Variants in RPN1 observed in about 807,000 individuals in gnomAD.
RPN1 encodes the protein dolichyl-diphosphooligosaccharide--protein glycosyltransferase subunit 1.
Under a neutral mutation model 55.5 loss-of-function variants are expected in RPN1, and 12 were observed. That is an observed-to-expected ratio of 0.22 (90% CI 0.14 to 0.35). The LOEUF (loss-of-function observed/expected upper bound fraction) is 0.35, where lower values mean the gene tolerates loss of function less well. Among genes scored for constraint, RPN1 ranks in the 10% least tolerant of loss-of-function variants. RPN1 has a pLI of 1.00. For synonymous variants in RPN1, 317 were observed against 305.9 expected (o/e 1.04, Z -0.38); for missense variants, 679 against 761.3 (o/e 0.89, Z 1.27).
At chr3:128,640,098 G>A (rs1482932510) in intron 2 of RPN1, among the ~76,000 whole-genome samples, 1 of 152,036 alleles carries the variant, frequency 6.6e-6, no homozygotes, top group Non-Finnish European at 1.5e-5. Flanking sequence ...CTTGAACCTG[G>A]GAGGCGGAGG....
chr3:128,644,561 G>A (rs1203911001), intron 2 of RPN1: 4 of 464,164 alleles, frequency 8.6e-6, no homozygotes, highest in Admixed American at 2.6e-5. Context: ...TTGGGAGGCT[G>A]AGGGAGAAGG....
intron 3 of RPN1, among the ~76,000 whole-genome samples, chr3:128,637,518 C>T (rs936884794): frequency 2.6e-5 from 4 of 152,130 alleles, no homozygotes; most frequent in African/African-American, 7.2e-5. Context: ...CATCTCAAAG[C>T]CTTTGTCCCT....
chr3:128,650,496 G>A (rs1361219176), intron 1 of RPN1, 44 bp downstream of exon 1: 1 of 1,496,604 alleles, frequency 6.7e-7, no homozygotes, highest in South Asian at 1.3e-5. Context: ...GAAGGGAGGC[G>A]GGAAGGGTCC....
chr3:128,627,060 T>C (rs1340392925), intron 5 of RPN1: 2 of 525,720 alleles, frequency 3.8e-6, no homozygotes, highest in African/African-American at 1.9e-5. Flanking sequence ...CTTCACGTTA[T>C]CAGTGTCTGT....
chr3:128,636,574 CAGAG>C (rs1322964311), intron 3 of RPN1, among the ~76,000 whole-genome samples: 1 of 151,878 alleles, frequency 6.6e-6, no homozygotes, highest in Non-Finnish European at 1.5e-5. Context: ...TCTAAACACA[CAGAG>C]AGATGCAAAG....
chr3:128,627,155 G>A (rs2069605254), intron 5 of RPN1: 3 of 334,928 alleles, frequency 9.0e-6, no homozygotes, highest in Non-Finnish European at 1.7e-5. Context: ...GGATTCCCTA[G>A]AGAGCACAGC....
At position 128,646,019 on chromosome 3, in the gene RPN1, C is replaced by T. The variant is rs182869787; in HGVS notation, c.262-1036G>A. On this transcript the variant is annotated intron_variant, in intron 1 of 9. Coordinates refer to ENST00000296255, the MANE Select transcript of RPN1 (RefSeq NM_002950.4). ...CAGCACTTTGGGAGGCCAAGGTGGG[C>T]GGATCACGAGGTCAGGAGTTCAAGA... Among the ~76,000 whole-genome samples, 704 of 151,008 alleles carry T rather than the reference C, an allele frequency of 4.7e-3. 1 individual carries two copies. Among genetic ancestry groups the T allele is most frequent in the African/African-American group, 0.016 (642 of 41,124 alleles).
At chr3:128,625,776 T>G (rs766144299) in intron 7 of RPN1, 98 bp downstream of exon 7, 156 of 1,563,498 alleles carry the variant, frequency 1.0e-4, no homozygotes, top group Non-Finnish European at 1.3e-4. Flanking sequence ...TGAGCTCAAA[T>G]GACTCCAGCC....
chr3:128,645,178 A>G (rs771994162), intron 1 of RPN1, among the ~76,000 whole-genome samples, 195 bp from the exon 2 acceptor site: 16 of 152,160 alleles, frequency 1.1e-4, no homozygotes, highest in Non-Finnish European at 1.8e-4. Flanking sequence ...TTACTTTTAC[A>G]AAGTGGCATA....
intron 3 of RPN1, among the ~76,000 whole-genome samples, chr3:128,635,832 G>A (rs907141082): frequency 1.3e-5 from 2 of 149,328 alleles, no homozygotes; most frequent in South Asian, 4.2e-4. Flanking sequence ...ATATATATAT[G>A]CACCTGGCCT....
At chr3:128,627,880 A>T in intron 5 of RPN1, among the ~76,000 whole-genome samples, 1 of 152,298 alleles carries the variant, frequency 6.6e-6, no homozygotes, top group Non-Finnish European at 1.5e-5. Context: ...AAAACGAACC[A>T]GGAGACTGCT....
At chr3:128,631,850 A>C in intron 4 of RPN1, 98 bp downstream of exon 4, 1 of 1,333,324 alleles carries the variant, frequency 7.5e-7, no homozygotes, top group Non-Finnish European at 1.1e-6. Flanking sequence ...TCAACCCTAA[A>C]CAACTGCCTA....
At chr3:128,635,928 A>G (rs75826648) in intron 3 of RPN1, among the ~76,000 whole-genome samples, 6 of 151,826 alleles carry the variant, frequency 4.0e-5, no homozygotes, top group South Asian at 4.2e-4. Flanking sequence ...AACTTGTTAT[A>G]TATGATTTTG....
intron 3 of RPN1, among the ~76,000 whole-genome samples, chr3:128,636,545 C>A (rs1341919096): frequency 2.6e-5 from 4 of 151,674 alleles, no homozygotes; most frequent in Non-Finnish European, 5.9e-5. Flanking sequence ...TTTGATTGCA[C>A]ATCCTTGGTG....
intron 4 of RPN1, among the ~76,000 whole-genome samples, chr3:128,631,471 T>C: frequency 1.5e-5 from 2 of 129,086 alleles, no homozygotes; most frequent in Non-Finnish European, 3.2e-5. Flanking sequence ...AGAGCAAAAC[T>C]CCGTCTCAAG....
At chr3:128,628,955 G>A (rs1288329059) in intron 5 of RPN1, among the ~76,000 whole-genome samples, 1 of 152,090 alleles carries the variant, frequency 6.6e-6, no homozygotes, top group African/African-American at 2.4e-5. Context: ...AAAAACAGAT[G>A]TAGGTATTAA....
Position 128,625,621 on chromosome 3 carries a change from C to A in RPN1, c.1308G>T (p.Leu436=), listed in dbSNP as rs542570470. The part of the protein sequence containing the change: ...VHYTFNKVLM[L]QEPLLVVAAF... ...CCGCCACCACCAGCAGGGGCTCCTG[C>A]AGCATGAGCACCTTGTTGAACGTGT... is the stretch of plus-strand genomic sequence containing the variant. The change falls in exon 8 of 10, where the codon CTG becomes CTT. Residue 436 remains leucine, a synonymous_variant. Coordinates refer to ENST00000296255, the MANE Select transcript of RPN1 (RefSeq NM_002950.4). 7.4e-6 allele frequency: 12 copies of A among 1,614,100 alleles called. 1 individual carries two copies. In the South Asian group the frequency reaches 1.1e-4, roughly 15 times the overall value.
At chr3:128,634,665 T>G (rs1203988160) in intron 3 of RPN1, among the ~76,000 whole-genome samples, 4 of 151,346 alleles carry the variant, frequency 2.6e-5, no homozygotes, top group Admixed American at 1.3e-4. Context: ...CAGGTTCAAG[T>G]GATTCTCCTG....
intron 2 of RPN1, among the ~76,000 whole-genome samples, chr3:128,640,718 C>T (rs1198296714): frequency 6.6e-6 from 1 of 152,140 alleles, no homozygotes; most frequent in Non-Finnish European, 1.5e-5. Flanking sequence ...TCTGCCCTGT[C>T]CCCAATACCT....
Sources: allele counts gnomAD v4.1 joint callset (sites outside exome capture counted in the v4.1 genomes callset), GRCh38; gene constraint gnomAD v4.1.1; transcripts MANE v1.5; gene names NCBI Gene and HGNC (gene_info 2026-07-23, HGNC 2026-07-21).